PLCG2: variants seen among roughly 807,000 people sequenced by gnomAD.
The protein encoded by PLCG2 is 1-phosphatidylinositol 4,5-bisphosphate phosphodiesterase gamma-2.
PLCG2 carries 69 observed loss-of-function variants against 175.6 expected under a neutral mutation model. That is an observed-to-expected ratio of 0.39 (90% CI 0.32 to 0.48). The LOEUF (loss-of-function observed/expected upper bound fraction) is 0.48, where lower values mean the gene tolerates loss of function less well. Among genes scored for constraint, PLCG2 ranks in the 20% least tolerant of loss-of-function variants. The pLI is 0.91. For synonymous variants in PLCG2, 827 were observed against 624.0 expected, an observed-to-expected ratio of 1.33 and a Z score of -4.85; for missense variants, 1,798 against 1,650.9, an observed-to-expected ratio of 1.09 and a Z score of -1.54.
intron 2 of PLCG2, among the ~76,000 whole-genome samples, chr16:81,769,881 C>T (rs1238174508): frequency 6.6e-6 from 1 of 151,306 alleles, no homozygotes; most frequent in Admixed American, 6.6e-5. Flanking sequence ...CTAGTTCTGC[C>T]ACCACTGGTG....
intron 2 of PLCG2, among the ~76,000 whole-genome samples, chr16:81,818,124 C>T (rs1025432503): frequency 6.6e-6 from 1 of 152,162 alleles, no homozygotes; most frequent in Non-Finnish European, 1.5e-5. Context: ...TTACAGGGCT[C>T]TCGTGAGTAT....
At chr16:81,763,213 G>C (rs142482144) in intron 2 of PLCG2, among the ~76,000 whole-genome samples, 155 of 152,326 alleles carry the variant, frequency 1.0e-3, no homozygotes, top group African/African-American at 3.6e-3. Context: ...CTCCACTGCC[G>C]CAGATGATTC....
At chr16:81,894,778 C>T (rs893028277) in intron 12 of PLCG2, among the ~76,000 whole-genome samples, 1 of 151,762 alleles carries the variant, frequency 6.6e-6, no homozygotes, top group Non-Finnish European at 1.5e-5. Context: ...GAGGCCGAGG[C>T]ACAGGAATCA....
chr16:81,858,894 C>A (rs1484449097), intron 4 of PLCG2, among the ~76,000 whole-genome samples: 1 of 152,042 alleles, frequency 6.6e-6, no homozygotes, highest in Non-Finnish European at 1.5e-5. Flanking sequence ...AAGGAATTGA[C>A]AATGTAAAGA....
intron 7 of PLCG2, among the ~76,000 whole-genome samples, chr16:81,871,442 G>A (rs781318379): frequency 1.3e-5 from 2 of 152,242 alleles, no homozygotes; most frequent in East Asian, 1.9e-4. Flanking sequence ...GGGTTCAAGC[G>A]ATTCTTGTGC....
At chr16:81,766,860 C>T (rs11645500) in intron 2 of PLCG2, 4,103 of 152,324 alleles carry the variant, frequency 0.027, 111 homozygotes, top group African/African-American at 0.07. Context: ...CAGCCTGGTT[C>T]CCTTCTCCCA....
intron 2 of PLCG2, among the ~76,000 whole-genome samples, chr16:81,800,604 C>G (rs1425381290): frequency 1.3e-5 from 2 of 152,004 alleles, no homozygotes; most frequent in East Asian, 3.8e-4. Flanking sequence ...TTTTCTTTAT[C>G]CAGTCTATTG....
At chr16:81,851,317 C>T (rs181797983) in intron 2 of PLCG2, among the ~76,000 whole-genome samples, 2 of 152,314 alleles carry the variant, frequency 1.3e-5, no homozygotes, top group African/African-American at 4.8e-5. Context: ...TGGTGCAGTG[C>T]TATTAATGAA....
intron 24 of PLCG2, chr16:81,928,849 A>C (rs1337425403): frequency 4.2e-6 from 2 of 479,292 alleles, no homozygotes; most frequent in Middle Eastern, 5.3e-4. Context: ...GGTCTCGTAC[A>C]TAAGTGCTAG....
At chr16:81,764,389 A>G (rs1910101272) in intron 2 of PLCG2, among the ~76,000 whole-genome samples, 1 of 152,226 alleles carries the variant, frequency 6.6e-6, no homozygotes, top group African/African-American at 2.4e-5. Context: ...CTCTCCATGG[A>G]CGAATGTCAA....
At chr16:81,772,576 G>A (rs1185683512) in intron 2 of PLCG2, among the ~76,000 whole-genome samples, 3 of 151,750 alleles carry the variant, frequency 2.0e-5, no homozygotes, top group African/African-American at 4.8e-5. Context: ...TTGGGAGGCC[G>A]AGGTGGGTGG....
chr16:81,847,789 T>A (rs181999064), intron 2 of PLCG2, among the ~76,000 whole-genome samples: 249 of 152,290 alleles, frequency 1.6e-3, no homozygotes, highest in African/African-American at 5.8e-3. Flanking sequence ...AAAAGTAATC[T>A]AGGGATTTAA....
intron 20 of PLCG2, among the ~76,000 whole-genome samples, chr16:81,920,789 T>G (rs1014540865): frequency 7.9e-5 from 12 of 152,182 alleles, no homozygotes; most frequent in African/African-American, 2.9e-4. Flanking sequence ...TTTGCCAGTT[T>G]CCATGGTGTA....
At chr16:81,850,510 G>A (rs1297409200) in intron 2 of PLCG2, among the ~76,000 whole-genome samples, 1 of 152,086 alleles carries the variant, frequency 6.6e-6, no homozygotes, top group Admixed American at 6.5e-5. Context: ...TGCGTTCTTG[G>A]GCTCTCAGTG....
chr16:81,757,073 G>C (rs1008237590), intron 2 of PLCG2, among the ~76,000 whole-genome samples: 2 of 152,168 alleles, frequency 1.3e-5, no homozygotes, highest in Non-Finnish European at 2.9e-5. Flanking sequence ...GGAATGAAGA[G>C]TTTTGAAAAG....
chr16:81,797,011 A>G (rs1394521006), intron 2 of PLCG2, among the ~76,000 whole-genome samples: 1 of 152,248 alleles, frequency 6.6e-6, no homozygotes, highest in Admixed American at 6.5e-5. Flanking sequence ...GTGGTTTGTC[A>G]TAACGGAATT....
At chr16:81,880,396 G>T (rs1000496550) in intron 7 of PLCG2, among the ~76,000 whole-genome samples, 1 of 152,116 alleles carries the variant, frequency 6.6e-6, no homozygotes, top group Non-Finnish European at 1.5e-5. Flanking sequence ...ACTCTACTCT[G>T]TAGAAAAACT....
intron 1 of PLCG2, among the ~76,000 whole-genome samples, chr16:81,746,228 C>G (rs954622264): frequency 6.6e-6 from 1 of 152,188 alleles, no homozygotes; most frequent in Non-Finnish European, 1.5e-5. Context: ...CAGCCCTCCC[C>G]GGTGCTTCCC....
At chr16:81,813,096 A>G (rs1904388977) in intron 2 of PLCG2, among the ~76,000 whole-genome samples, 1 of 152,198 alleles carries the variant, frequency 6.6e-6, no homozygotes, top group Admixed American at 6.5e-5. Context: ...TATAGTTTGA[A>G]GTCAGGTAGC....
Sources: allele counts gnomAD v4.1 joint callset (sites outside exome capture counted in the v4.1 genomes callset), GRCh38; gene constraint gnomAD v4.1.1; transcripts MANE v1.5; gene names NCBI Gene and HGNC (gene_info 2026-07-23, HGNC 2026-07-21).